BCAS3: variants seen among roughly 807,000 people sequenced by gnomAD.
BCAS3 encodes the protein BCAS4/BCAS3 fusion.
In BCAS3, 53 loss-of-function variants were observed where a neutral mutation model predicts 116.1. The observed-to-expected ratio is 0.46, with a 90% CI of 0.37 to 0.57. The LOEUF is 0.57. Ranked by LOEUF, BCAS3 falls within the 20% of genes least tolerant of loss-of-function variation. The pLI is 0.00. For synonymous variants in BCAS3, 391 were observed against 408.2 expected (o/e 0.96, Z 0.51); for missense variants, 917 against 1,165.4 (o/e 0.79, Z 3.10).
chr17:60,677,870 A>T lies in BCAS3; in HGVS notation c.-50A>T, dbSNP rs1597973485. 6.5e-6 allele frequency: 1 copy of T among 153,328 alleles called. No individual in the cohort carries two copies. The highest frequency in any genetic ancestry group is 1.5e-5 in the Non-Finnish European group (1 of 68,608). The allele number at this position is 153,328 out of a possible 1,614,324, so 9.5% of individuals were successfully genotyped here. A position where few individuals can be genotyped will look rare whatever the true frequency, so the allele number is the denominator to read the frequency against. ...TCAATCACTCGGGGAGACTCCAAAC[A>T]GTGAGCCTAGAGCTGGAGACTAGCG... On this transcript the variant is annotated 5_prime_UTR_variant, in exon 1 of 24. Coordinates refer to ENST00000407086, the MANE Select transcript of BCAS3 (RefSeq NM_017679.5).
At chr17:60,942,115 A>G (rs1224732023) in intron 13 of BCAS3, among the ~76,000 whole-genome samples, 2 of 152,178 alleles carry the variant, frequency 1.3e-5, no homozygotes, top group Non-Finnish European at 2.9e-5. Flanking sequence ...CAAAGCATTC[A>G]TGCCTAAACT....
At chr17:61,016,712 TTCTG>T (rs1335307690) in intron 16 of BCAS3, among the ~76,000 whole-genome samples, 1 of 152,216 alleles carries the variant, frequency 6.6e-6, no homozygotes, top group Non-Finnish European at 1.5e-5. Context: ...TTTTTTACAT[TTCTG>T]TATTAAAGTA....
rs562608947 is a variant in BCAS3, at chr17:60,813,311, A to T, written c.476+5235A>T. 2.9e-3 allele frequency among the ~76,000 whole-genome samples: 432 copies of T among 151,376 alleles called. 3 individuals are homozygous for T. Among genetic ancestry groups the T allele is most frequent in the Middle Eastern group, 0.01 (3 of 292 alleles). On this transcript the variant is annotated intron_variant, in intron 7 of 23. Coordinates refer to ENST00000407086, the MANE Select transcript of BCAS3 (RefSeq NM_017679.5). ...AACAAAGATTTCTTAAAAAAAAAAA[A>T]AGGAGGTTATGTTAGGAGCAATTAA...
At chr17:61,187,002 G>A (rs934328862) in intron 22 of BCAS3, among the ~76,000 whole-genome samples, 6 of 152,116 alleles carry the variant, frequency 3.9e-5, no homozygotes, top group Admixed American at 2.0e-4. Flanking sequence ...GAGCCACTGC[G>A]CCCAGCCAAC....
chr17:60,865,553 C>T (rs2054521237), intron 7 of BCAS3, among the ~76,000 whole-genome samples: 1 of 152,126 alleles, frequency 6.6e-6, no homozygotes, highest in African/African-American at 2.4e-5. Context: ...ATTGCAAATA[C>T]TTTCAGTTTC....
intron 23 of BCAS3, among the ~76,000 whole-genome samples, chr17:61,373,988 G>C (rs755249059): frequency 6.7e-5 from 10 of 149,706 alleles, no homozygotes; most frequent in African/African-American, 9.8e-5. Context: ...GCTAATTTTT[G>C]TATTTTTAGT....
At chr17:60,947,670 C>T (rs1334114456) in intron 14 of BCAS3, among the ~76,000 whole-genome samples, 1 of 152,108 alleles carries the variant, frequency 6.6e-6, no homozygotes, top group Non-Finnish European at 1.5e-5. Context: ...CTCTCCAGAC[C>T]TTTTACTAGG....
At chr17:61,311,743 A>C (rs565541214) in intron 22 of BCAS3, among the ~76,000 whole-genome samples, 2 of 152,216 alleles carry the variant, frequency 1.3e-5, no homozygotes, top group East Asian at 3.9e-4. Context: ...AAATACAAAA[A>C]ATTAGCTGGG....
Position 61,196,532 on chromosome 17 carries a change from G to A in BCAS3, c.2425+111968G>A, listed in dbSNP as rs1417007704. 6.6e-6 allele frequency among the ~76,000 whole-genome samples: 1 copy of A among 152,242 alleles called. No individual in the cohort carries two copies. Among genetic ancestry groups the A allele is most frequent in the Admixed American group, 6.5e-5 (1 of 15,288 alleles). ...AAACCCCAACCCAACAGCTGGGAAG[G>A]GTTGGAAGTAGCCCCAAGGCTGGTT... On this transcript the variant is annotated intron_variant, in intron 22 of 23. Transcript: ENST00000407086. The surrounding 1 kb of genome is among the most constrained non-coding windows in gnomAD (Gnocchi z 4.7).
chr17:60,940,850 C>A (rs988272282), intron 13 of BCAS3, among the ~76,000 whole-genome samples: 7 of 152,090 alleles, frequency 4.6e-5, no homozygotes, highest in African/African-American at 1.4e-4. Context: ...AAGAACCATA[C>A]AATTAGGTAG....
intron 5 of BCAS3, among the ~76,000 whole-genome samples, chr17:60,744,913 G>T (rs2041903807): frequency 6.6e-6 from 1 of 152,258 alleles, no homozygotes; most frequent in South Asian, 2.1e-4. Context: ...GAAAAGTGTT[G>T]TATATTCAGG....
In BCAS3 at chr17:60,924,892, T is replaced by G. The variant is rs1270091137; in HGVS notation, c.1087+392T>G. The stretch of plus-strand genomic sequence containing the variant: ...TACAACACTTTGTAAGCTAATTTAA[T>G]TTTCTCGGTTTTTTTTTTAGTGGTG... On this transcript the variant is annotated intron_variant, in intron 13 of 23. Transcript: ENST00000407086. Among the ~76,000 whole-genome samples the G allele has an allele frequency of 2.0e-5, 3 of 151,878 alleles. No homozygotes were observed. The South Asian group carries it at 6.2e-4, about 31-fold the overall frequency.
rs967357919 is a variant in BCAS3, at chr17:60,995,174, A to T, written c.1486+4939A>T. Among the ~76,000 whole-genome samples the T allele has an allele frequency of 6.6e-6, 1 of 151,564 alleles. No individual in the cohort carries two copies. The highest frequency in any genetic ancestry group is 2.4e-5 in the African/African-American group (1 of 41,200). ...ATTCTATTCTTTTCTTTTCTTTTAG[A>T]CGGAGTCTTGCTCTGTCTCCCAGGC... On this transcript the variant is annotated intron_variant, in intron 15 of 23. Transcript: ENST00000407086. The surrounding 1 kb of genome is among the most constrained non-coding windows in gnomAD (Gnocchi z 4.7).
chr17:61,006,784 G>A (rs2064747431), intron 15 of BCAS3, among the ~76,000 whole-genome samples: 1 of 151,940 alleles, frequency 6.6e-6, no homozygotes, highest in Admixed American at 6.6e-5. Context: ...TTAGAAATAG[G>A]TTGAGGCTTA....
intron 11 of BCAS3, among the ~76,000 whole-genome samples, chr17:60,909,015 A>T (rs1293138631): frequency 6.6e-6 from 1 of 152,148 alleles, no homozygotes; most frequent in Admixed American, 6.6e-5. Flanking sequence ...TGACTTTGTC[A>T]TTGGGTAACT....
intron 7 of BCAS3, among the ~76,000 whole-genome samples, chr17:60,834,693 G>A (rs1189522999): frequency 6.6e-6 from 1 of 151,906 alleles, no homozygotes; most frequent in Non-Finnish European, 1.5e-5. Flanking sequence ...CTAGACTTTA[G>A]TATCCTCATT....
At chr17:61,123,599 CT>C (rs201011662) in intron 22 of BCAS3, among the ~76,000 whole-genome samples, 34 of 147,282 alleles carry the variant, frequency 2.3e-4, no homozygotes, top group South Asian at 4.4e-4. Context: ...TTTTCTAAGT[CT>C]TTTTTTTTTC....
chr17:60,975,444 A>G (rs1438993437), intron 14 of BCAS3, among the ~76,000 whole-genome samples: 1 of 152,256 alleles, frequency 6.6e-6, no homozygotes, highest in African/African-American at 2.4e-5. Flanking sequence ...TAAGGGGGCT[A>G]TTAAAAGAAA....
rs968080008 is a variant in BCAS3 at position 61,313,939 on chromosome 17, G to A, written c.2426-54388G>A. ...TACTTAGTGCTGGCTCCAGAGTCTC[G>A]TGGGGGAAGCCGGCTGGCAGCACAC... On this transcript the variant is annotated intron_variant, in intron 22 of 23. Transcript: ENST00000407086. This position sits in a 1 kb window ranked among gnomAD's most constrained non-coding sequence, Gnocchi z 4.3. Among the ~76,000 whole-genome samples the A allele has an allele frequency of 6.6e-6, 1 of 152,228 alleles. No homozygotes were observed. Among genetic ancestry groups the A allele is most frequent in the South Asian group, 2.1e-4 (1 of 4,830 alleles).
Sources: gnomAD v4.1 joint callset for allele counts (sites outside exome capture counted in the v4.1 genomes callset) on GRCh38, gnomAD v4.1.1 for gene constraint, Gnocchi (gnomAD v3.1) non-coding constraint, MANE v1.5 for transcripts, NCBI Gene and HGNC (gene_info 2026-07-23, HGNC 2026-07-21) for gene names.